The following MEI1 variants were observed in gnomAD, a reference collection of about 807,000 sequenced individuals.
MEI1 encodes the protein meiotic double-stranded break formation protein 1, also known as meiosis inhibitor protein 1.
Under a neutral mutation model 146.2 loss-of-function variants are expected in MEI1, and 103 were observed. That is an observed-to-expected ratio of 0.70 (90% CI 0.60 to 0.83). MEI1 has a LOEUF of 0.83. Among genes scored for constraint, MEI1 ranks in the 40% least tolerant of loss-of-function variants. The pLI is 0.00. For synonymous variants in MEI1, 652 were observed against 628.2 expected (o/e 1.04, Z -0.57); for missense variants, 1,529 against 1,533.0 (o/e 1.00, Z 0.04).
intron 6 of MEI1, 91 bp from the exon 7 acceptor site, chr22:41,723,852 A>C: frequency 6.2e-6 from 9 of 1,444,220 alleles, no homozygotes; most frequent in Non-Finnish European, 8.4e-6. Context: ...GGGATGAAGA[A>C]GTTTCTCTGG....
intron 19 of MEI1, among the ~76,000 whole-genome samples, chr22:41,769,916 C>T (rs2075075698): frequency 6.6e-6 from 1 of 151,612 alleles, no homozygotes. Context: ...GGGCAGATCA[C>T]CTGAGGTCAG....
At chr22:41,792,928 A>C (rs1215584712) in intron 26 of MEI1, among the ~76,000 whole-genome samples, 1 of 151,916 alleles carries the variant, frequency 6.6e-6, no homozygotes, top group Non-Finnish European at 1.5e-5. Context: ...TAAAAAAAAA[A>C]AAAAAGGTTG....
chr22:41,761,827 C>G (rs1186102108), intron 18 of MEI1, among the ~76,000 whole-genome samples: 1 of 152,178 alleles, frequency 6.6e-6, no homozygotes, highest in Non-Finnish European at 1.5e-5. Flanking sequence ...TGTTCTGTCT[C>G]TTTGGAGTTA....
chr22:41,706,757 C>T (rs1175498515), intron 3 of MEI1, among the ~76,000 whole-genome samples: 1 of 151,714 alleles, frequency 6.6e-6, no homozygotes, highest in Non-Finnish European at 1.5e-5. Context: ...ATGGGTTTAC[C>T]TATAAAGGGT....
In MEI1 at chr22:41,784,705, C is replaced by G. The variant is rs754422461; in HGVS notation, c.3267C>G (p.Thr1089=). The G allele has an allele frequency of 4.3e-6, 7 of 1,613,682 alleles. No individual in the cohort carries two copies. The South Asian group carries it at 7.7e-5, about 18-fold the overall frequency. Residue 1089 remains threonine (T), a synonymous_variant, in exon 26 of 31, where the codon ACC becomes ACG. Transcript: ENST00000401548. ...VPSGAQPLPA[T]KDTVLAPLRM... ...CAGGGGCCCAGCCACTGCCAGCCAC[C>G]AAGGACACTGTCCTAGCTCCACTGC...
Position 41,771,023 on chromosome 22 carries a change from G to A in MEI1, c.2544+62G>A, listed in dbSNP as rs540336100. ...CGTGGGCCTTCTCTCTCTGAGAGCC[G>A]GTTTACTGAGGTCAGGAGGCACCCA... On this transcript the variant is annotated intron_variant, in intron 20 of 30. Coordinates refer to ENST00000401548, the MANE Select transcript of MEI1 (RefSeq NM_152513.4). 8.9e-5 allele frequency: 139 copies of A among 1,559,750 alleles called. No homozygotes were observed. In the African/African-American group the frequency reaches 1.7e-3, roughly 19 times the overall value.
intron 4 of MEI1, among the ~76,000 whole-genome samples, chr22:41,714,489 C>T (rs1012741106): frequency 3.3e-5 from 5 of 152,130 alleles, no homozygotes; most frequent in Admixed American, 6.6e-5. Context: ...GTTCTATCAG[C>T]TTACTTTGTA....
In MEI1 at chr22:41,743,074, A is replaced by G. The variant is rs5751148; in HGVS notation, c.1332-6A>G. 1,298,573 of 1,604,552 alleles carry G rather than the reference A, an allele frequency of 0.81. 530,715 individuals are homozygous for G. The highest frequency in any genetic ancestry group is 0.96 in the African/African-American group (71,711 of 74,900). ...CGTGAACCTGCTTTTGTCTCTCTGG[A>G]TGCAGGAAGGACCATCAGAGCACTC... is the stretch of plus-strand genomic sequence containing the variant. On this transcript the variant is annotated splice_polypyrimidine_tract_variant and splice_region_variant and intron_variant, in intron 11 of 30. Transcript: ENST00000401548.
At chr22:41,726,483 GA>G (rs2071366927) in intron 7 of MEI1, among the ~76,000 whole-genome samples, 1 of 152,152 alleles carries the variant, frequency 6.6e-6, no homozygotes, top group South Asian at 2.1e-4. Context: ...TCACAAAACT[GA>G]AGTGTAATGA....
Position 41,699,644 on chromosome 22 carries a change from C to T in MEI1, c.106C>T (p.Leu36=), listed in dbSNP as rs2068537149. ...RAHYRHDPRW[L]LPVTPRLCLA... ...CCATTACCGGCACGACCCGCGCTGG[C>T]TGCTGCCCGTGACCCCCCGCCTGTG... Residue 36 remains leucine (L), a synonymous_variant, in exon 1 of 31, where the codon CTG becomes TTG. Coordinates refer to ENST00000401548, the MANE Select transcript of MEI1 (RefSeq NM_152513.4). 1.9e-6 allele frequency: 3 copies of T among 1,600,054 alleles called. No individual in the cohort carries two copies. The highest frequency in any genetic ancestry group is 2.6e-6 in the Non-Finnish European group (3 of 1,173,718).
chr22:41,703,666 G>A (rs957188483), intron 2 of MEI1, among the ~76,000 whole-genome samples: 1 of 152,170 alleles, frequency 6.6e-6, no homozygotes, highest in Non-Finnish European at 1.5e-5. Flanking sequence ...GAGCCAAGAA[G>A]TTAGTAAAAG....
At chr22:41,736,300 AG>A (rs2072360258) in intron 11 of MEI1, among the ~76,000 whole-genome samples, 1 of 140,958 alleles carries the variant, frequency 7.1e-6, no homozygotes, top group South Asian at 2.2e-4. Context: ...CCCACGCTGG[AG>A]TGCAGTGGCG....
chr22:41,716,215 C>T (rs2070138281), intron 5 of MEI1, 69 bp downstream of exon 5: 1 of 1,073,584 alleles, frequency 9.3e-7, no homozygotes, highest in South Asian at 1.4e-5. Context: ...ATTTGGGTGT[C>T]CCATTCACTC....
At chr22:41,713,949 G>A (rs745805370) in intron 3 of MEI1, 53 bp from the exon 4 acceptor site, 2 of 1,457,432 alleles carry the variant, frequency 1.4e-6, no homozygotes, top group Non-Finnish European at 1.9e-6. Context: ...CATGGAAGGT[G>A]GACTCTGGGT....
intron 24 of MEI1, among the ~76,000 whole-genome samples, chr22:41,783,974 T>TA (rs1355279817): frequency 6.6e-6 from 1 of 152,212 alleles, no homozygotes; most frequent in African/African-American, 2.4e-5. Context: ...TAAGCCACTG[T>TA]ACCTGACTTG....
chr22:41,714,204 G>A (rs1601684180), intron 4 of MEI1, 129 bp downstream of exon 4: 2 of 826,182 alleles, frequency 2.4e-6, no homozygotes, highest in East Asian at 5.3e-5. Context: ...CACTGAGTTG[G>A]TGGCAGAGTC....
At position 41,718,286 on chromosome 22, in the gene MEI1, G is replaced by A. The variant is rs766938709; in HGVS notation, c.733+12G>A. On this transcript the variant is annotated intron_variant, in intron 6 of 30. Coordinates refer to ENST00000401548, the MANE Select transcript of MEI1 (RefSeq NM_152513.4). Reference sequence around the variant, plus strand: ...GATTAACTGCTTGGGTAAGACATGAGGCTGGAGAAAAAAGGGAGAATAAGT... The same window carrying A: ...GATTAACTGCTTGGGTAAGACATGAAGCTGGAGAAAAAAGGGAGAATAAGT... 1 of 1,611,490 alleles carries A rather than the reference G, an allele frequency of 6.2e-7. No homozygotes were observed. The highest frequency in any genetic ancestry group is 1.1e-5 in the South Asian group (1 of 90,650).
intron 21 of MEI1, among the ~76,000 whole-genome samples, chr22:41,777,380 T>G (rs1453628563): frequency 6.8e-6 from 1 of 146,644 alleles, no homozygotes; most frequent in East Asian, 2.1e-4. Context: ...GGTCTCGAAC[T>G]CCTGACCTCA....
intron 19 of MEI1, among the ~76,000 whole-genome samples, chr22:41,765,951 C>T (rs28825150): frequency 0.068 from 9,335 of 136,418 alleles, 988 homozygotes; most frequent in African/African-American, 0.24. Context: ...AGTGCAGTGG[C>T]GTGATCTCGG....
Sources: allele counts gnomAD v4.1 joint callset (sites outside exome capture counted in the v4.1 genomes callset), GRCh38; gene constraint gnomAD v4.1.1; transcripts MANE v1.5; gene names NCBI Gene and HGNC (gene_info 2026-07-23, HGNC 2026-07-21).